Variants in ATRN observed in about 807,000 individuals in gnomAD.
The protein encoded by ATRN is attractin, also known as attractin-2.
A neutral mutation model predicts 178.7 loss-of-function variants in ATRN; 54 were observed. The observed-to-expected ratio is 0.30, with a 90% CI of 0.24 to 0.38. The LOEUF (loss-of-function observed/expected upper bound fraction) is 0.38, where lower values mean the gene tolerates loss of function less well. ATRN is among the 10% of genes least tolerant of loss of function. The probability of loss-of-function intolerance (pLI) is 1.00; values close to 1 mark genes in which losing one functional copy is unlikely to be tolerated. For missense variants in ATRN, 1,443 were observed against 1,815.1 expected (o/e 0.79, Z 3.73); for synonymous variants, 636 against 663.0 (o/e 0.96, Z 0.63).
chr20:3,605,449 T>C (rs2086664379), intron 24 of ATRN, among the ~76,000 whole-genome samples: 1 of 152,210 alleles, frequency 6.6e-6, no homozygotes, highest in Admixed American at 6.5e-5. Flanking sequence ...CAAAGATACA[T>C]GCACATGTAT....
Position 3,609,714 on chromosome 20 carries a change from ATGTGTGTG to A in ATRN, c.3801+5482_3801+5489del, listed in dbSNP as rs34028518. On this transcript the variant is annotated intron_variant, in intron 24 of 28. Coordinates refer to ENST00000262919, the MANE Select transcript of ATRN (RefSeq NM_139321.3). ...GATAAACAAAATGTGGTATGTATGT[ATGTGTGTG>A]TGTGTGTGTGTGTGTGTGTGTGTGT... Among the ~76,000 whole-genome samples, 536 of 146,218 alleles carry A rather than the reference ATGTGTGTG, an allele frequency of 3.7e-3. 2 individuals carry two copies. Among genetic ancestry groups the A allele is most frequent in the Non-Finnish European group, 5.6e-3 (372 of 66,750 alleles).
At chr20:3,588,282 A>T (rs2086386529) in intron 18 of ATRN, among the ~76,000 whole-genome samples, 1 of 152,196 alleles carries the variant, frequency 6.6e-6, no homozygotes, top group Non-Finnish European at 1.5e-5. Flanking sequence ...TTTAGGGGAA[A>T]ATAATTCAGT....
chr20:3,491,246 A>T (rs956257373), intron 1 of ATRN, among the ~76,000 whole-genome samples: 5 of 152,126 alleles, frequency 3.3e-5, no homozygotes, highest in African/African-American at 1.2e-4. Flanking sequence ...CCTGCAAATG[A>T]AATTGTTCTC....
At chr20:3,516,375 A>G (rs931741275) in intron 1 of ATRN, among the ~76,000 whole-genome samples, 3 of 152,170 alleles carry the variant, frequency 2.0e-5, no homozygotes, top group African/African-American at 7.2e-5. Flanking sequence ...TGCCATACGT[A>G]TAACTGCAGC....
chr20:3,635,620 A>G (rs1425553003), intron 26 of ATRN, among the ~76,000 whole-genome samples: 8 of 152,116 alleles, frequency 5.3e-5, no homozygotes, highest in African/African-American at 1.9e-4. Context: ...ATTTATAGAT[A>G]AGATTTAGAA....
At chr20:3,495,450 G>A (rs1467907461) in intron 1 of ATRN, among the ~76,000 whole-genome samples, 1 of 152,168 alleles carries the variant, frequency 6.6e-6, no homozygotes, top group Admixed American at 6.6e-5. Flanking sequence ...TGAGAACCCT[G>A]TATCAGGGGT....
chr20:3,603,153 G>C (rs1290696082), intron 23 of ATRN, among the ~76,000 whole-genome samples: 1 of 152,052 alleles, frequency 6.6e-6, no homozygotes, highest in Non-Finnish European at 1.5e-5. Flanking sequence ...TCTGGGAATA[G>C]GATGGAGTTA....
chr20:3,507,956 G>A (rs1230385836), intron 1 of ATRN, among the ~76,000 whole-genome samples: 1 of 151,990 alleles, frequency 6.6e-6, no homozygotes, highest in East Asian at 1.9e-4. Flanking sequence ...ACCCGTCTCG[G>A]CCTCCCAAAG....
At chr20:3,494,886 T>A (rs2084857266) in intron 1 of ATRN, among the ~76,000 whole-genome samples, 1 of 152,196 alleles carries the variant, frequency 6.6e-6, no homozygotes, top group Non-Finnish European at 1.5e-5. Context: ...AAAGGACTTG[T>A]CCATTGCTTT....
Position 3,575,786 on chromosome 20 carries a change from T to C in ATRN, c.2093-41T>C, listed in dbSNP as rs2295673. ...AACTTCGGTCTCAGATTTTGCTCAA[T>C]TGAAGTTGTCCCAGTTCATGAGATT... On this transcript the variant is annotated intron_variant, in intron 12 of 28. Coordinates refer to ENST00000262919, the MANE Select transcript of ATRN (RefSeq NM_139321.3). The C allele has an allele frequency of 6.4e-6, 10 of 1,567,556 alleles. No individual in the cohort carries two copies. The Admixed American group carries it at 7.4e-5, about 12-fold the overall frequency.
chr20:3,530,977 A>G (rs1460030465), intron 1 of ATRN, among the ~76,000 whole-genome samples: 1 of 152,112 alleles, frequency 6.6e-6, no homozygotes, highest in Non-Finnish European at 1.5e-5. Flanking sequence ...TTTATTCTTC[A>G]TATTTTAGCC....
Position 3,549,281 on chromosome 20 carries a change from T to C in ATRN, c.1055T>C (p.Ile352Thr). The C allele has an allele frequency of 1.2e-6, 2 of 1,609,646 alleles. No homozygotes were observed. The highest frequency in any genetic ancestry group is 2.2e-5 in the South Asian group (2 of 89,934). ...CATAAAGCTGTGGTCAATGGAAACA[T>C]TATGTGGGTTGTTGGAGGATATATG... is the stretch of plus-strand genomic sequence containing the variant. Reference protein sequence around the residue: ...ASHKAVVNGNIMWVVGGYMFN... With the variant: ...ASHKAVVNGNTMWVVGGYMFN... Residue 352 changes from isoleucine (I) to threonine (T), a missense_variant, in exon 6 of 29, where the codon ATT (isoleucine) becomes ACT (threonine). Physicochemically the swap from Ile to Thr is moderately conservative, Grantham distance 89. This residue lies in a region of ATRN where 862 missense variants were observed against 972.1 expected (regional missense o/e 0.89). Transcript: ENST00000262919.
In ATRN at chr20:3,576,873, G is replaced by T. The variant is rs558409129; in HGVS notation, c.2229G>T (p.Arg743Ser). 1 of 1,613,890 alleles carries T rather than the reference G, an allele frequency of 6.2e-7. No individual in the cohort carries two copies. Among genetic ancestry groups the T allele is most frequent in the South Asian group, 1.1e-5 (1 of 91,042 alleles). The change falls in exon 14 of 29, where the codon AGG becomes AGT. Residue 743 changes from arginine to serine, a missense_variant. By Grantham distance (110) the Arg-to-Ser change is moderately radical. Coordinates refer to ENST00000262919, the MANE Select transcript of ATRN (RefSeq NM_139321.3). ...SCSEGQISIF[R>S]YENCPKDNPM... is the part of the protein sequence containing the mutation. ...CTGTGTTCTAGATCTCCATTTTTAG[G>T]TATGAGAATTGCCCCAAGGATAACC...
intron 1 of ATRN, among the ~76,000 whole-genome samples, chr20:3,534,828 T>C (rs1048037063): frequency 6.6e-6 from 1 of 151,908 alleles, no homozygotes; most frequent in Non-Finnish European, 1.5e-5. Flanking sequence ...AATTTATCGC[T>C]GGGTGTGAGG....
At chr20:3,642,385 G>A (rs960140436) in intron 27 of ATRN, among the ~76,000 whole-genome samples, 2 of 152,160 alleles carry the variant, frequency 1.3e-5, no homozygotes, top group African/African-American at 4.8e-5. Context: ...CATACCTTCC[G>A]CCTTTCAGCA....
At chr20:3,538,882 A>C (rs965055388) in intron 2 of ATRN, among the ~76,000 whole-genome samples, 1 of 152,068 alleles carries the variant, frequency 6.6e-6, no homozygotes, top group African/African-American at 2.4e-5. Context: ...GATTTTCTTC[A>C]TGTTGCTTGG....
intron 24 of ATRN, among the ~76,000 whole-genome samples, chr20:3,621,561 G>A (rs372690937): frequency 3.3e-4 from 51 of 152,284 alleles, no homozygotes; most frequent in African/African-American, 1.2e-3. Flanking sequence ...GGAGTATGGT[G>A]TCTACTGTTT....
At chr20:3,567,986 T>G (rs941762026) in intron 11 of ATRN, among the ~76,000 whole-genome samples, 1 of 152,296 alleles carries the variant, frequency 6.6e-6, no homozygotes, top group African/African-American at 2.4e-5. Flanking sequence ...AGTAAGCCTA[T>G]AGCAAGGTAA....
chr20:3,551,627 G>A (rs2085788116), intron 6 of ATRN, among the ~76,000 whole-genome samples: 1 of 151,928 alleles, frequency 6.6e-6, no homozygotes. Context: ...CTCCACATGG[G>A]TCCATAATTC....
Sources: allele counts gnomAD v4.1 joint callset (sites outside exome capture counted in the v4.1 genomes callset), GRCh38; gene constraint gnomAD v4.1.1; regional missense constraint gnomAD v4.1.1; transcripts MANE v1.5; gene names NCBI Gene and HGNC (gene_info 2026-07-23, HGNC 2026-07-21).